The following DZANK1 variants were observed in gnomAD, a reference collection of about 807,000 sequenced individuals.
DZANK1 encodes double zinc ribbon and ankyrin repeat domains 1.
In DZANK1, 91 loss-of-function variants were observed where a neutral mutation model predicts 94.5. The ratio of observed to expected loss-of-function variants is 0.96; its 90% CI spans 0.81 to 1.15. DZANK1 has a LOEUF of 1.15. Ranked by LOEUF, DZANK1 falls within the 50% of genes most tolerant of loss-of-function variation. The probability of loss-of-function intolerance (pLI) is 0.00; values close to 1 mark genes in which losing one functional copy is unlikely to be tolerated. For synonymous variants in DZANK1, 312 were observed against 325.3 expected, an observed-to-expected ratio of 0.96 and a Z score of 0.44; for missense variants, 903 against 916.4, an observed-to-expected ratio of 0.99 and a Z score of 0.19.
chr20:18,383,425 T>C (rs1266047031), exon 21 of DZANK1: 1 of 152,112 alleles, frequency 6.6e-6, no homozygotes, highest in Non-Finnish European at 1.5e-5. Flanking sequence ...GAACACACCA[T>C]AATGATGGGA....
chr20:18,440,345 C>T (rs2058680179), intron 8 of DZANK1, among the ~76,000 whole-genome samples: 1 of 152,190 alleles, frequency 6.6e-6, no homozygotes, highest in African/African-American at 2.4e-5. Context: ...CTGTTATAGC[C>T]ACCGCAGCTG....
At chr20:18,422,102 G>A (rs1471171060) in intron 10 of DZANK1, among the ~76,000 whole-genome samples, 4 of 151,936 alleles carry the variant, frequency 2.6e-5, no homozygotes, top group Non-Finnish European at 5.9e-5. Flanking sequence ...TTTGTTGCCG[G>A]TGCTTTGGGG....
intron 8 of DZANK1, among the ~76,000 whole-genome samples, chr20:18,439,825 T>C (rs2058664763): frequency 6.6e-6 from 1 of 152,150 alleles, no homozygotes; most frequent in South Asian, 2.1e-4. Flanking sequence ...ACTCCAACTT[T>C]CCTATTTGCC....
chr20:18,400,126 G>A (rs548138979), intron 13 of DZANK1, among the ~76,000 whole-genome samples: 2 of 152,248 alleles, frequency 1.3e-5, no homozygotes, highest in East Asian at 3.9e-4. Flanking sequence ...GTGTTATTGT[G>A]ACAAGAGAAC....
chr20:18,463,964 TTATATATGTGTATGTA>T (rs975259414), intron 2 of DZANK1, among the ~76,000 whole-genome samples: 1 of 152,226 alleles, frequency 6.6e-6, no homozygotes, highest in African/African-American at 2.4e-5. Context: ...CTTATGTTAA[TTATATATGTGTATGTA>T]TATATATGTG....
intron 2 of DZANK1, among the ~76,000 whole-genome samples, chr20:18,464,667 CTTTTT>C (rs1167738427): frequency 2.6e-5 from 2 of 77,824 alleles, no homozygotes; most frequent in South Asian, 4.4e-4. Flanking sequence ...AGCACCGGGA[CTTTTT>C]TTTTTTTTTT....
intron 7 of DZANK1, among the ~76,000 whole-genome samples, chr20:18,446,434 T>A (rs973872061): frequency 2.6e-5 from 4 of 152,142 alleles, no homozygotes; most frequent in Non-Finnish European, 5.9e-5. Context: ...AATTAGAAAC[T>A]GTTTGAACTG....
intron 8 of DZANK1, among the ~76,000 whole-genome samples, chr20:18,434,918 T>C (rs1235134732): frequency 6.6e-6 from 1 of 152,186 alleles, no homozygotes; most frequent in Non-Finnish European, 1.5e-5. Flanking sequence ...ATCGATGCAC[T>C]GACTGGCAAA....
chr20:18,384,934 A>C, intron 20 of DZANK1, 82 bp downstream of exon 20: 1 of 1,353,090 alleles, frequency 7.4e-7, no homozygotes, highest in Non-Finnish European at 1.0e-6. Context: ...TCAGGAACCA[A>C]GGCCCCTCTT....
rs1368500431 is a variant in DZANK1, at chr20:18,443,462, C to G, written c.632G>C (p.Cys211Ser). The change falls in exon 8 of 21, where the codon TGT becomes TCT. Residue 211 changes from cysteine (C) to serine (S), a missense_variant and splice_region_variant. By Grantham distance (112) the Cys-to-Ser change is moderately radical. Coordinates refer to ENST00000262547, the Ensembl canonical transcript of DZANK1. ...TGGCCGGGGGGCAAGGCAGTGGGCACACCTACAACAAAACAGGTTCCCGAT... is the reference window on the plus strand; with the variant it reads ...TGGCCGGGGGGCAAGGCAGTGGGCAGACCTACAACAAAACAGGTTCCCGAT... 22 of 1,443,854 alleles carry G rather than the reference C, an allele frequency of 1.5e-5. 1 individual carries two copies. Among genetic ancestry groups the G allele is most frequent in the Non-Finnish European group, 1.7e-5 (19 of 1,096,330 alleles). 89.4% of individuals were successfully genotyped at this position (1,443,854 alleles called of 1,614,324 possible).
At chr20:18,417,627 A>G (rs1166333866) in intron 10 of DZANK1, among the ~76,000 whole-genome samples, 1 of 152,196 alleles carries the variant, frequency 6.6e-6, no homozygotes, top group Non-Finnish European at 1.5e-5. Flanking sequence ...TTTCTGATGA[A>G]ATTCAACACC....
At chr20:18,438,482 A>G (rs546436027) in intron 8 of DZANK1, among the ~76,000 whole-genome samples, 1 of 152,316 alleles carries the variant, frequency 6.6e-6, no homozygotes, top group Non-Finnish European at 1.5e-5. Context: ...GATTGAAAGT[A>G]AAAGCACAGA....
intron 7 of DZANK1, among the ~76,000 whole-genome samples, chr20:18,444,716 T>C (rs6136379): frequency 0.12 from 17,403 of 147,642 alleles, 1,528 homozygotes; most frequent in East Asian, 0.51. Flanking sequence ...AATTAGAACA[T>C]AGGAGTTGTC....
chr20:18,412,778 G>C, exon 13 of DZANK1: 1 of 1,613,910 alleles, frequency 6.2e-7, no homozygotes. Flanking sequence ...CCAACAGTCT[G>C]TGTTCCTATG....
chr20:18,415,290 T>C lies in DZANK1; in HGVS notation c.1077+37A>G, dbSNP rs2057437024. 4.9e-6 allele frequency: 7 copies of C among 1,437,060 alleles called. No homozygotes were observed. In the South Asian group the frequency reaches 1.1e-4, roughly 23 times the overall value. The allele number at this position is 1,437,060 out of a possible 1,614,324, so 89.0% of individuals were successfully genotyped here. On this transcript the variant is annotated intron_variant, in intron 11 of 20. Coordinates refer to ENST00000262547, the Ensembl canonical transcript of DZANK1. ...GGCTCTCTCCAGGCCAGTGGTGAGG[T>C]GCTCAGTATACAGAATCTCAGTTTT...
At position 18,425,086 on chromosome 20, in the gene DZANK1, C is replaced by T. The variant is rs143696907; in HGVS notation, c.954+1981G>A. Among the ~76,000 whole-genome samples the T allele has an allele frequency of 2.0e-4, 30 of 152,236 alleles. No individual in the cohort carries two copies. In the East Asian group the frequency reaches 2.9e-3, roughly 15 times the overall value. On this transcript the variant is annotated intron_variant, in intron 10 of 20. Transcript: ENST00000262547. The stretch of plus-strand genomic sequence containing the variant: ...CAGGGTAAATAGAACTGTTAAATAT[C>T]TTCATTGTGGTGGTAGTTAAAATGG...
intron 14 of DZANK1, among the ~76,000 whole-genome samples, chr20:18,396,834 A>G (rs989740559): frequency 6.6e-6 from 1 of 152,248 alleles, no homozygotes; most frequent in African/African-American, 2.4e-5. Flanking sequence ...ATCCAAATCT[A>G]TGCATTCTTC....
At chr20:18,420,496 T>C (rs1159283762) in intron 10 of DZANK1, 9 of 174,992 alleles carry the variant, frequency 5.1e-5, no homozygotes, top group African/African-American at 2.1e-4. Context: ...GATACTTATC[T>C]GGGCTGTCTG....
intron 9 of DZANK1, chr20:18,432,778 T>G (rs1253149112): frequency 6.6e-6 from 1 of 152,182 alleles, no homozygotes; most frequent in Admixed American, 6.5e-5. Context: ...TGACCTTTAC[T>G]TGGGATTAAA....
Sources: allele counts gnomAD v4.1 joint callset (sites outside exome capture counted in the v4.1 genomes callset), GRCh38; gene constraint gnomAD v4.1.1; transcripts MANE v1.5; gene names NCBI Gene and HGNC (gene_info 2026-07-23, HGNC 2026-07-21).